The following ANKRD12 variants were observed in gnomAD, a reference collection of about 807,000 sequenced individuals.
The protein encoded by ANKRD12 is ankyrin repeat domain 12.
Under a neutral mutation model 183.4 loss-of-function variants are expected in ANKRD12, and 85 were observed. The ratio of observed to expected loss-of-function variants is 0.46; its 90% CI spans 0.39 to 0.56. The LOEUF is 0.56. ANKRD12 is among the 20% of genes least tolerant of loss of function. The pLI, the probability that ANKRD12 is intolerant of heterozygous loss-of-function variation, is 0.00. For missense variants in ANKRD12, 2,405 were observed against 2,357.1 expected (o/e 1.02, Z -0.42); for synonymous variants, 914 against 800.2 (o/e 1.14, Z -2.40).
chr18:9,280,033 C>G (rs1001814956), intron 12 of ANKRD12, among the ~76,000 whole-genome samples: 2 of 152,038 alleles, frequency 1.3e-5, no homozygotes, highest in African/African-American at 4.8e-5. Context: ...TTTCATGTTT[C>G]TTTTGATAAT....
chr18:9,245,185 C>T (rs1278244877), intron 8 of ANKRD12, among the ~76,000 whole-genome samples: 1 of 151,800 alleles, frequency 6.6e-6, no homozygotes, highest in Non-Finnish European at 1.5e-5. Flanking sequence ...TGTGGTGGCT[C>T]ACACCTGGAA....
intron 6 of ANKRD12, among the ~76,000 whole-genome samples, chr18:9,213,924 T>G (rs907300193): frequency 6.6e-6 from 1 of 152,118 alleles, no homozygotes; most frequent in South Asian, 2.1e-4. Context: ...AAAATTCTTT[T>G]TCATAGTTTA....
chr18:9,171,274 G>A (rs1266945233), intron 1 of ANKRD12, among the ~76,000 whole-genome samples: 1 of 152,226 alleles, frequency 6.6e-6, no homozygotes, highest in Admixed American at 6.5e-5. Context: ...CGTCGCTGAT[G>A]CTGGGAGCTG....
intron 9 of ANKRD12, among the ~76,000 whole-genome samples, chr18:9,263,092 G>A (rs773739071): frequency 2.6e-5 from 4 of 151,956 alleles, no homozygotes; most frequent in Admixed American, 6.6e-5. Context: ...CACCATGCCC[G>A]GCCAGTGTAT....
chr18:9,144,683 T>C (rs1598382614), intron 1 of ANKRD12, among the ~76,000 whole-genome samples: 1 of 152,226 alleles, frequency 6.6e-6, no homozygotes, highest in African/African-American at 2.4e-5. Context: ...GTTTATCTTA[T>C]TCCCATTTTG....
intron 1 of ANKRD12, among the ~76,000 whole-genome samples, chr18:9,164,776 C>T (rs770526101): frequency 2.0e-5 from 3 of 152,050 alleles, no homozygotes; most frequent in African/African-American, 7.2e-5. Context: ...TAATTTCAGT[C>T]GTTTTGCATT....
intron 1 of ANKRD12, among the ~76,000 whole-genome samples, chr18:9,167,887 G>GT (rs1220464833): frequency 1.3e-5 from 2 of 152,068 alleles, no homozygotes; most frequent in Non-Finnish European, 2.9e-5. Context: ...TTTGAGATAC[G>GT]TCCCATCAAT....
rs2038509748 is a variant in ANKRD12 at position 9,254,905 on chromosome 18, T to G, written c.1638T>G (p.His546Gln). 1 of 1,561,310 alleles carries G rather than the reference T, an allele frequency of 6.4e-7. No homozygotes were observed. The highest frequency in any genetic ancestry group is 1.4e-5 in the African/African-American group (1 of 72,484). Residue 546 changes from histidine to glutamine, a missense_variant, in exon 9 of 13, where the codon CAT (histidine) becomes CAG (glutamine). This residue lies in a region of ANKRD12 where 1,983 missense variants were observed against 1,725.9 expected (regional missense o/e 1.15). Coordinates refer to ENST00000262126, the MANE Select transcript of ANKRD12 (RefSeq NM_015208.5). Reference protein sequence around the residue: ...FHISTGKSPKHSCGLSEKQST... With the variant: ...FHISTGKSPKQSCGLSEKQST... ...TTTCCACTGGTAAATCTCCCAAACA[T>G]TCTTGTGGATTAAGTGAAAAACAGT...
intron 1 of ANKRD12, among the ~76,000 whole-genome samples, chr18:9,176,178 G>A (rs2033250738): frequency 2.0e-5 from 3 of 152,146 alleles, no homozygotes; most frequent in African/African-American, 7.2e-5. Context: ...GTCACAGATA[G>A]GTGAACATTT....
intron 10 of ANKRD12, among the ~76,000 whole-genome samples, chr18:9,271,111 C>T (rs1384988779): frequency 6.6e-6 from 1 of 152,176 alleles, no homozygotes; most frequent in Non-Finnish European, 1.5e-5. Flanking sequence ...CTCACTCTGT[C>T]ACCCAGGCTG....
At position 9,283,936 on chromosome 18, in the gene ANKRD12, AC is replaced by A. The variant is rs2145535570; in HGVS notation, c.*2812del. The A allele has an allele frequency of 6.6e-6, 1 of 152,310 alleles. No homozygotes were observed. The highest frequency in any genetic ancestry group is 2.1e-4 in the South Asian group (1 of 4,830). 9.4% of individuals were successfully genotyped at this position (152,310 alleles called of 1,614,324 possible). A position where few individuals can be genotyped will look rare whatever the true frequency, so the allele number is the denominator to read the frequency against. ...CAAGTGAATTTTTAAGTACAGGCAT[AC>A]CTCAGACGTACTTTAGGTTCCAGAC... On this transcript the variant is annotated 3_prime_UTR_variant, in exon 13 of 13. Coordinates refer to ENST00000262126, the MANE Select transcript of ANKRD12 (RefSeq NM_015208.5).
At chr18:9,140,794 AG>A (rs1438550010) in intron 1 of ANKRD12, among the ~76,000 whole-genome samples, 1 of 152,194 alleles carries the variant, frequency 6.6e-6, no homozygotes, top group Non-Finnish European at 1.5e-5. Flanking sequence ...AGTATTACAT[AG>A]ATTATCGGAG....
intron 1 of ANKRD12, among the ~76,000 whole-genome samples, chr18:9,161,752 G>GTGTA (rs1555709866): frequency 2.0e-5 from 3 of 150,902 alleles, no homozygotes; most frequent in African/African-American, 7.3e-5. Context: ...GTGTGTGTGT[G>GTGTA]TATATATATA....
At chr18:9,264,563 T>A (rs2039167306) in intron 10 of ANKRD12, among the ~76,000 whole-genome samples, 1 of 152,232 alleles carries the variant, frequency 6.6e-6, no homozygotes, top group Admixed American at 6.5e-5. Flanking sequence ...TACTGTGGAC[T>A]TCTGTAACAG....
rs1225440282 is a variant in ANKRD12 at position 9,208,527 on chromosome 18, C to G, written c.305-130C>G. On this transcript the variant is annotated intron_variant, in intron 4 of 12. Coordinates refer to ENST00000262126, the MANE Select transcript of ANKRD12 (RefSeq NM_015208.5). ...TAAAACCCATTGTGCTTTTGTCTGGCTACTACTAGTTCATATATTGTACAC... is the reference window on the plus strand; with the variant it reads ...TAAAACCCATTGTGCTTTTGTCTGGGTACTACTAGTTCATATATTGTACAC... 4 of 610,004 alleles carry G rather than the reference C, an allele frequency of 6.6e-6. No homozygotes were observed. The African/African-American group carries it at 7.6e-5, about 12-fold the overall frequency. 37.8% of individuals were successfully genotyped at this position (610,004 alleles called of 1,614,324 possible).
chr18:9,170,190 CT>C (rs1156904357), intron 1 of ANKRD12, among the ~76,000 whole-genome samples: 2 of 152,132 alleles, frequency 1.3e-5, no homozygotes, highest in Admixed American at 1.3e-4. Flanking sequence ...AATTATGTGT[CT>C]TGGAGTTGCT....
At chr18:9,168,970 A>G (rs543001370) in intron 1 of ANKRD12, among the ~76,000 whole-genome samples, 108 of 152,046 alleles carry the variant, frequency 7.1e-4, no homozygotes, top group African/African-American at 2.3e-3. Flanking sequence ...CCTTCGTTTC[A>G]TTATTTACCC....
intron 1 of ANKRD12, among the ~76,000 whole-genome samples, chr18:9,178,371 T>C (rs2033448845): frequency 6.6e-6 from 1 of 152,048 alleles, no homozygotes; most frequent in Non-Finnish European, 1.5e-5. Flanking sequence ...ATACAGTTTT[T>C]CCAAGACCGT....
intron 1 of ANKRD12, among the ~76,000 whole-genome samples, chr18:9,145,494 A>G (rs1394245624): frequency 1.3e-5 from 2 of 152,234 alleles, no homozygotes; most frequent in Non-Finnish European, 2.9e-5. Context: ...TTATTCCTTA[A>G]TCATCCAAAT....
Sources: allele counts gnomAD v4.1 joint callset (sites outside exome capture counted in the v4.1 genomes callset), GRCh38; gene constraint gnomAD v4.1.1; regional missense constraint gnomAD v4.1.1; transcripts MANE v1.5; gene names NCBI Gene and HGNC (gene_info 2026-07-23, HGNC 2026-07-21).